PRORP: variants seen among roughly 807,000 people sequenced by gnomAD.
PRORP encodes protein only RNase P catalytic subunit, also known as mitochondrial ribonuclease P catalytic subunit.
A neutral mutation model predicts 59.4 loss-of-function variants in PRORP; 51 were observed. The ratio of observed to expected loss-of-function variants is 0.86; its 90% CI spans 0.69 to 1.08. The LOEUF (loss-of-function observed/expected upper bound fraction) is 1.08, where lower values mean the gene tolerates loss of function less well. PRORP is among the 50% of genes least tolerant of loss of function. PRORP has a pLI of 0.00. For synonymous variants in PRORP, 231 were observed against 245.6 expected (o/e 0.94, Z 0.55); for missense variants, 646 against 690.3 (o/e 0.94, Z 0.72).
chr14:35,230,241 C>T (rs1032636527), intron 5 of PRORP, among the ~76,000 whole-genome samples: 10 of 151,810 alleles, frequency 6.6e-5, no homozygotes, highest in Admixed American at 1.3e-4. Flanking sequence ...TTAGTAGAAA[C>T]GGGTTTCGCC....
chr14:35,188,943 A>C, intron 5 of PRORP, among the ~76,000 whole-genome samples: 1 of 97,738 alleles, frequency 1.0e-5, no homozygotes, highest in Non-Finnish European at 2.2e-5. Context: ...ACTCTGTCTA[A>C]AAAAAAAAAA....
At chr14:35,150,074 G>A (rs576045713) in intron 4 of PRORP, among the ~76,000 whole-genome samples, 1 of 152,270 alleles carries the variant, frequency 6.6e-6, no homozygotes, top group East Asian at 1.9e-4. Context: ...TGGAACTTCT[G>A]GCCTCAAGTG....
intron 4 of PRORP, among the ~76,000 whole-genome samples, chr14:35,135,785 C>T (rs953257148): frequency 1.3e-5 from 2 of 151,912 alleles, no homozygotes; most frequent in Admixed American, 1.3e-4. Context: ...TGGGAAAACC[C>T]CGTCTCTACT....
rs751445236 is a variant in PRORP at position 35,140,528 on chromosome 14, TA to T, written c.1167+12922del. ...ATTTGTTCAGATTTTTTGCCTATTTTAAAAATTGGATTGTTTCATTATTGAG... is the reference window on the plus strand; with the variant it reads ...ATTTGTTCAGATTTTTTGCCTATTTTAAAATTGGATTGTTTCATTATTGAG... On this transcript the variant is annotated intron_variant, in intron 4 of 7. Coordinates refer to ENST00000534898, the MANE Select transcript of PRORP (RefSeq NM_014672.4). Among the ~76,000 whole-genome samples the T allele has an allele frequency of 1.1e-4, 16 of 146,048 alleles. 1 individual carries two copies. Among genetic ancestry groups the T allele is most frequent in the Non-Finnish European group, 1.8e-4 (12 of 65,680 alleles).
chr14:35,161,032 T>A (rs1426587264), intron 4 of PRORP, among the ~76,000 whole-genome samples: 1 of 151,806 alleles, frequency 6.6e-6, no homozygotes, highest in African/African-American at 2.4e-5. Flanking sequence ...GCAGTTAGGT[T>A]ATGGGTCCTT....
At chr14:35,166,836 G>A (rs1176272497) in intron 4 of PRORP, among the ~76,000 whole-genome samples, 1 of 152,182 alleles carries the variant, frequency 6.6e-6, no homozygotes, top group Middle Eastern at 3.2e-3. Context: ...ATCCTTGAGA[G>A]AAGAGATCCA....
At chr14:35,176,792 G>C (rs1351476795) in intron 4 of PRORP, among the ~76,000 whole-genome samples, 1 of 152,144 alleles carries the variant, frequency 6.6e-6, no homozygotes, top group Non-Finnish European at 1.5e-5. Flanking sequence ...AATAGAAGTG[G>C]TGAGAGAGGG....
chr14:35,216,486 T>C (rs2049599391), intron 5 of PRORP, among the ~76,000 whole-genome samples: 1 of 152,130 alleles, frequency 6.6e-6, no homozygotes, highest in African/African-American at 2.4e-5. Context: ...TTTTTTTATT[T>C]TTAGTAGAGA....
intron 4 of PRORP, among the ~76,000 whole-genome samples, chr14:35,130,799 C>T (rs1398881148): frequency 6.6e-6 from 1 of 151,706 alleles, no homozygotes; most frequent in East Asian, 1.9e-4. Flanking sequence ...CCTTTTCTTT[C>T]TGCCATTTTT....
intron 4 of PRORP, chr14:35,158,048 T>C (rs2047961596): frequency 4.3e-6 from 1 of 234,044 alleles, no homozygotes; most frequent in Non-Finnish European, 8.9e-6. Context: ...CTTTTTCATT[T>C]GCTCATGGCA....
At chr14:35,218,192 G>C (rs1053849180) in intron 5 of PRORP, among the ~76,000 whole-genome samples, 4 of 152,068 alleles carry the variant, frequency 2.6e-5, no homozygotes, top group Non-Finnish European at 4.4e-5. Context: ...GGGCATGGTG[G>C]CTCATGCATG....
rs144172954 is a variant in PRORP, at chr14:35,165,070, A to T, written c.1168-15600A>T. On this transcript the variant is annotated intron_variant, in intron 4 of 7. Transcript: ENST00000534898. ...TAAAATGTACCGTATAGGAAGAAGG[A>T]AATAACTATTATAGTGCATGTGCCA... 7.0e-3 allele frequency among the ~76,000 whole-genome samples: 1,064 copies of T among 152,366 alleles called. 5 individuals carry two copies. The highest frequency in any genetic ancestry group is 1.0e-2 in the Admixed American group (153 of 15,306).
At chr14:35,185,636 A>G (rs1484670875) in intron 5 of PRORP, among the ~76,000 whole-genome samples, 3 of 152,248 alleles carry the variant, frequency 2.0e-5, no homozygotes, top group Non-Finnish European at 4.4e-5. Context: ...TCAAAGAAAG[A>G]AAAAGCAATA....
At chr14:35,182,508 G>A (rs2048639600) in intron 5 of PRORP, among the ~76,000 whole-genome samples, 1 of 152,086 alleles carries the variant, frequency 6.6e-6, no homozygotes, top group Non-Finnish European at 1.5e-5. Context: ...AGCCGGGTGT[G>A]GTGGCAGGTG....
At chr14:35,144,810 A>G (rs916006946) in intron 4 of PRORP, among the ~76,000 whole-genome samples, 24 of 145,820 alleles carry the variant, frequency 1.6e-4, no homozygotes, top group African/African-American at 5.9e-4. Context: ...CAGTTTTAGA[A>G]AGTACTCTGG....
Position 35,124,006 on chromosome 14 carries a change from C to T in PRORP, c.761C>T (p.Ala254Val), listed in dbSNP as rs757062645. Residue 254 changes from alanine (A) to valine (V), a missense_variant, in exon 2 of 8, where the codon GCT becomes GTT. Physicochemically the swap from Ala to Val is moderately conservative, Grantham distance 64 (BLOSUM62 0). Transcript: ENST00000534898. ...KKNYNDCIQG[A>V]LLHQDVNTAW... ...AACTATAATGACTGTATCCAGGGAG[C>T]TCTCCTTCATCAAGATGTAAACACA... The T allele has an allele frequency of 3.7e-6, 6 of 1,613,944 alleles. No individual in the cohort carries two copies. The highest frequency in any genetic ancestry group is 2.2e-5 in the South Asian group (2 of 91,064).
Position 35,180,745 on chromosome 14 carries a change from A to G in PRORP, c.1243A>G (p.Lys415Glu), listed in dbSNP as rs1363809511. 3 of 1,612,192 alleles carry G rather than the reference A, an allele frequency of 1.9e-6. No individual in the cohort carries two copies. Among genetic ancestry groups the G allele is most frequent in the Non-Finnish European group, 2.5e-6 (3 of 1,178,766 alleles). Reference sequence around the variant, plus strand: ...TGTCATTGATGGTCTCAATGTTGCCAAAATGTTTCCTAAAGTTCGTGAATC... The same window carrying G: ...TGTCATTGATGGTCTCAATGTTGCCGAAATGTTTCCTAAAGTTCGTGAATC... ...DVVIDGLNVA[K>E]MFPKVRESQL... Residue 415 changes from lysine to glutamate, a missense_variant, in exon 5 of 8, where the codon AAA becomes GAA. Coordinates refer to ENST00000534898, the MANE Select transcript of PRORP (RefSeq NM_014672.4).
chr14:35,228,143 AAAAT>A (rs1484230719), intron 5 of PRORP, among the ~76,000 whole-genome samples: 1 of 152,198 alleles, frequency 6.6e-6, no homozygotes. Context: ...ACTCCGTCTC[AAAAT>A]AAATAAATAA....
intron 5 of PRORP, among the ~76,000 whole-genome samples, chr14:35,228,674 A>G (rs2049999061): frequency 3.3e-5 from 5 of 152,240 alleles, no homozygotes; most frequent in Admixed American, 3.3e-4. Context: ...TCCATGGTGC[A>G]TATGTACCAC....
Sources: gnomAD v4.1 joint callset for allele counts (sites outside exome capture counted in the v4.1 genomes callset) on GRCh38, gnomAD v4.1.1 for gene constraint, MANE v1.5 for transcripts, NCBI Gene and HGNC (gene_info 2026-07-23, HGNC 2026-07-21) for gene names.